The following GRAMD1B variants were observed in gnomAD, a reference collection of about 807,000 sequenced individuals.
GRAMD1B encodes the protein GRAM domain containing 1B, also known as protein Aster-B.
In GRAMD1B, 37 loss-of-function variants were observed where a neutral mutation model predicts 99.7. The ratio of observed to expected loss-of-function variants is 0.37; its 90% CI spans 0.29 to 0.49. The LOEUF (loss-of-function observed/expected upper bound fraction) is 0.49, where lower values mean the gene tolerates loss of function less well. GRAMD1B is among the 20% of genes least tolerant of loss of function. The probability of loss-of-function intolerance (pLI) is 0.98; values close to 1 mark genes in which losing one functional copy is unlikely to be tolerated. For synonymous variants in GRAMD1B, 427 were observed against 387.6 expected, an observed-to-expected ratio of 1.10 and a Z score of -1.19; for missense variants, 888 against 1,009.2, an observed-to-expected ratio of 0.88 and a Z score of 1.63.
At chr11:123,614,405 A>G (rs979241629) in intron 16 of GRAMD1B, among the ~76,000 whole-genome samples, 1 of 152,232 alleles carries the variant, frequency 6.6e-6, no homozygotes, top group African/African-American at 2.4e-5. Context: ...TACTAGGAAT[A>G]GATCCAGACC....
intron 1 of GRAMD1B, chr11:123,460,060 T>C (rs550182358): frequency 6.6e-6 from 1 of 151,492 alleles, no homozygotes; most frequent in Admixed American, 6.6e-5. Flanking sequence ...AGGAGTGTGA[T>C]TGGACATACG....
chr11:123,401,094 G>A lies in GRAMD1B; in HGVS notation c.-176+42295G>A, dbSNP rs113359591. Among the ~76,000 whole-genome samples the A allele has an allele frequency of 3.4e-3, 523 of 152,262 alleles. 5 individuals carry two copies. The highest frequency in any genetic ancestry group is 0.012 in the African/African-American group (501 of 41,556). On this transcript the variant is annotated intron_variant, in intron 1 of 20. Coordinates refer to the GRAMD1B transcript ENST00000638157. Reference sequence around the variant, plus strand: ...AGCCCCTAAACAACCATATGAAGTAGGTTCTCTTATTTCCACTTTCTAGAT... The same window carrying A: ...AGCCCCTAAACAACCATATGAAGTAAGTTCTCTTATTTCCACTTTCTAGAT...
intron 1 of GRAMD1B, 118 bp from the exon 2 acceptor site, chr11:123,480,698 A>T: frequency 2.6e-6 from 1 of 391,222 alleles, no homozygotes; most frequent in Non-Finnish European, 4.5e-6. Context: ...ACTTGGGGGA[A>T]CTTGTATCTT....
rs1165782020 is a variant in GRAMD1B, at chr11:123,456,812, G to A, written c.375-24004G>A. Among the ~76,000 whole-genome samples, 19 of 150,946 alleles carry A rather than the reference G, an allele frequency of 1.3e-4. No homozygotes were observed. The Admixed American group carries it at 1.3e-3, about 10-fold the overall frequency. On this transcript the variant is annotated intron_variant, in intron 1 of 19. Transcript: ENST00000635736. Reference sequence around the variant, plus strand: ...GTGCACACCTGTAGTCCCAGCTACTGTGGAGGCTGAGGCAGGAGAATCACT... The same window carrying A: ...GTGCACACCTGTAGTCCCAGCTACTATGGAGGCTGAGGCAGGAGAATCACT...
In GRAMD1B at chr11:123,625,278, G is replaced by A. The variant is rs147478092; in HGVS notation, c.*2683G>A. On this transcript the variant is annotated 3_prime_UTR_variant, in exon 20 of 20. Transcript: ENST00000635736. ...CTTCTTATGTAACTTCTTCCAGCCA[G>A]TGCTTTTATTGTTCGTTTTAGTTTA... 6.6e-6 allele frequency: 1 copy of A among 152,324 alleles called. No individual in the cohort carries two copies. The highest frequency in any genetic ancestry group is 1.9e-4 in the East Asian group (1 of 5,182). 9.4% of individuals were successfully genotyped at this position (152,324 alleles called of 1,614,324 possible).
At chr11:123,512,242 G>T (rs1340303936) in intron 2 of GRAMD1B, among the ~76,000 whole-genome samples, 1 of 152,228 alleles carries the variant, frequency 6.6e-6, no homozygotes, top group Non-Finnish European at 1.5e-5. Context: ...TGGGAACGCT[G>T]CTGTCTGTCT....
At chr11:123,448,859 C>T (rs1004615755) in intron 1 of GRAMD1B, among the ~76,000 whole-genome samples, 1 of 152,206 alleles carries the variant, frequency 6.6e-6, no homozygotes, top group Non-Finnish European at 1.5e-5. Context: ...GTGTATTACA[C>T]AAGCATCCTG....
intron 2 of GRAMD1B, among the ~76,000 whole-genome samples, chr11:123,537,569 T>A (rs949622469): frequency 6.6e-5 from 10 of 152,232 alleles, no homozygotes; most frequent in African/African-American, 2.2e-4. Context: ...TGTACCTTTT[T>A]ATGCGTTTAT....
intron 7 of GRAMD1B, chr11:123,598,215 G>A: frequency 7.1e-7 from 1 of 1,401,970 alleles, no homozygotes; most frequent in Non-Finnish European, 1.0e-6. Flanking sequence ...GGTAGGTGTA[G>A]TTTCCACAGA....
intron 2 of GRAMD1B, among the ~76,000 whole-genome samples, chr11:123,516,156 C>T (rs4936816): frequency 0.13 from 19,359 of 152,220 alleles, 1,559 homozygotes; most frequent in East Asian, 0.43. Context: ...TCATGGTACA[C>T]GCCAGCACAC....
intron 1 of GRAMD1B, among the ~76,000 whole-genome samples, chr11:123,417,254 T>C (rs1837310791): frequency 6.6e-6 from 1 of 152,140 alleles, no homozygotes; most frequent in African/African-American, 2.4e-5. Flanking sequence ...GTGCCTGTAA[T>C]CCCAGCTACT....
intron 2 of GRAMD1B, among the ~76,000 whole-genome samples, chr11:123,522,360 C>A (rs1175983081): frequency 6.6e-6 from 1 of 152,008 alleles, no homozygotes; most frequent in Non-Finnish European, 1.5e-5. Context: ...GCTCTGTTGC[C>A]CAGGCTGGAG....
intron 1 of GRAMD1B, among the ~76,000 whole-genome samples, chr11:123,468,722 G>A (rs944617966): frequency 7.9e-5 from 12 of 151,250 alleles, no homozygotes; most frequent in Non-Finnish European, 1.3e-4. Context: ...GCTTGAGCCC[G>A]GGAGGCAGAG....
chr11:123,363,557 A>ACT (rs915664563), intron 1 of GRAMD1B, among the ~76,000 whole-genome samples: 1 of 146,628 alleles, frequency 6.8e-6, no homozygotes, highest in African/African-American at 2.6e-5. Flanking sequence ...CCCCTCTCAT[A>ACT]CTCTCTCTCA....
At chr11:123,477,145 C>T (rs943080744) in intron 1 of GRAMD1B, among the ~76,000 whole-genome samples, 3 of 151,858 alleles carry the variant, frequency 2.0e-5, no homozygotes, top group African/African-American at 4.8e-5. Context: ...ACATTTCTTT[C>T]TCTTTCTTTC....
In GRAMD1B at chr11:123,492,539, C is replaced by A. The variant is rs1196578349; in HGVS notation, c.452+11646C>A. Among the ~76,000 whole-genome samples the A allele has an allele frequency of 1.3e-5, 2 of 152,130 alleles. No homozygotes were observed. The highest frequency in any genetic ancestry group is 4.8e-5 in the African/African-American group (2 of 41,406). Reference sequence around the variant, plus strand: ...GTGGCTCCTGGCTGAATCTGCCCTGCCCTCTTGGCCTCTGTAACTAGAAGA... The same window carrying A: ...GTGGCTCCTGGCTGAATCTGCCCTGACCTCTTGGCCTCTGTAACTAGAAGA... On this transcript the variant is annotated intron_variant, in intron 2 of 19. Coordinates refer to ENST00000635736, the MANE Select transcript of GRAMD1B (RefSeq NM_001387025.1). This position sits in a 1 kb window ranked among gnomAD's most constrained non-coding sequence, Gnocchi z 4.2.
Position 123,591,330 on chromosome 11 carries a change from G to A in GRAMD1B, c.685-2752G>A. The A allele has an allele frequency of 2.5e-6, 1 of 398,444 alleles. No individual in the cohort carries two copies. The highest frequency in any genetic ancestry group is 4.4e-6 in the Non-Finnish European group (1 of 226,080). The allele number at this position is 398,444 out of a possible 1,614,324, so 24.7% of individuals were successfully genotyped here. On this transcript the variant is annotated intron_variant, in intron 4 of 19. Transcript: ENST00000635736. This position sits in a 1 kb window ranked among gnomAD's most constrained non-coding sequence, Gnocchi z 4.7. ...GGGAGACCAGTTGTTTTCATCGTGT[G>A]GGGACAGTCGGGAGTCAGTGCTCAG...
At chr11:123,615,776 G>A (rs1315486477) in intron 17 of GRAMD1B, among the ~76,000 whole-genome samples, 1 of 152,234 alleles carries the variant, frequency 6.6e-6, no homozygotes, top group Non-Finnish European at 1.5e-5. Flanking sequence ...CAGATGACAA[G>A]TGTAGGCTGC....
intron 2 of GRAMD1B, among the ~76,000 whole-genome samples, chr11:123,563,449 C>A (rs562742141): frequency 1.1e-4 from 17 of 151,604 alleles, no homozygotes; most frequent in Middle Eastern, 3.5e-3. Context: ...ACCTGCAGTC[C>A]AGGATAGCTG....
Sources: gnomAD v4.1 joint callset for allele counts (sites outside exome capture counted in the v4.1 genomes callset) on GRCh38, gnomAD v4.1.1 for gene constraint, Gnocchi (gnomAD v3.1) non-coding constraint, MANE v1.5 for transcripts, NCBI Gene and HGNC (gene_info 2026-07-23, HGNC 2026-07-21) for gene names.